The following DBX2 variants were observed in gnomAD, a reference collection of about 807,000 sequenced individuals.
The protein encoded by DBX2 is homeobox protein DBX2.
Under a neutral mutation model 17.7 loss-of-function variants are expected in DBX2, and 16 were observed. The observed-to-expected ratio is 0.90, with a 90% CI of 0.61 to 1.37. The LOEUF (loss-of-function observed/expected upper bound fraction) is 1.37. DBX2 is among the 40% of genes most tolerant of loss of function. The probability of loss-of-function intolerance (pLI) is 0.00; values close to 1 mark genes in which losing one functional copy is unlikely to be tolerated. For missense variants in DBX2, 538 were observed against 433.8 expected, an observed-to-expected ratio of 1.24 and a Z score of -2.13; for synonymous variants, 255 against 183.8, an observed-to-expected ratio of 1.39 and a Z score of -3.13.
intron 3 of DBX2, among the ~76,000 whole-genome samples, chr12:45,018,719 T>C (rs1490897879): frequency 6.6e-6 from 1 of 151,924 alleles, no homozygotes; most frequent in Non-Finnish European, 1.5e-5. Context: ...TTATTCACAA[T>C]AGCCAAAAAT....
At position 45,015,656 on chromosome 12, in the gene DBX2, C is replaced by A. The variant is rs1312010576; in HGVS notation, c.*630G>T. On this transcript the variant is annotated 3_prime_UTR_variant, in exon 4 of 4. Coordinates refer to ENST00000332700, the MANE Select transcript of DBX2 (RefSeq NM_001004329.3). ...ATACTAATAGTTATATACAGAAATTCTTCTAATTTGCTTGTTAGGTTCATT... is the reference window on the plus strand; with the variant it reads ...ATACTAATAGTTATATACAGAAATTATTCTAATTTGCTTGTTAGGTTCATT... 1 of 152,138 alleles carries A rather than the reference C, an allele frequency of 6.6e-6. No individual in the cohort carries two copies. Among genetic ancestry groups the A allele is most frequent in the Non-Finnish European group, 1.5e-5 (1 of 68,038 alleles). 9.4% of individuals were successfully genotyped at this position (152,138 alleles called of 1,614,324 possible). A position where few individuals can be genotyped will look rare whatever the true frequency, so the allele number is the denominator to read the frequency against.
intron 1 of DBX2, among the ~76,000 whole-genome samples, chr12:45,038,295 G>C (rs1396164859): frequency 6.8e-6 from 1 of 148,050 alleles, no homozygotes; most frequent in Non-Finnish European, 1.5e-5. Context: ...TTGGACTTTT[G>C]TTGTTATTGT....
intron 2 of DBX2, among the ~76,000 whole-genome samples, chr12:45,030,340 A>G (rs1353980593): frequency 6.6e-6 from 1 of 152,204 alleles, no homozygotes; most frequent in Non-Finnish European, 1.5e-5. Flanking sequence ...TGCAATTCAA[A>G]AGCATCTGAT....
chr12:45,034,475 C>A (rs1364897267), intron 2 of DBX2, among the ~76,000 whole-genome samples: 1 of 152,064 alleles, frequency 6.6e-6, no homozygotes, highest in South Asian at 2.1e-4. Context: ...CTTGAAGGAG[C>A]GAGTAAAAGG....
chr12:45,025,589 A>G (rs531541254), intron 2 of DBX2, among the ~76,000 whole-genome samples: 3 of 151,432 alleles, frequency 2.0e-5, no homozygotes, highest in African/African-American at 4.9e-5. Context: ...TCCCACCCTA[A>G]AGGAGCTCAC....
At chr12:45,039,995 A>G (rs1043113768) in intron 1 of DBX2, among the ~76,000 whole-genome samples, 1 of 152,098 alleles carries the variant, frequency 6.6e-6, no homozygotes, top group Non-Finnish European at 1.5e-5. Flanking sequence ...ATATCCTACT[A>G]TGATGGTTAA....
At chr12:45,048,619 A>G (rs1489913013) in intron 1 of DBX2, among the ~76,000 whole-genome samples, 2 of 152,228 alleles carry the variant, frequency 1.3e-5, no homozygotes, top group Admixed American at 1.3e-4. Flanking sequence ...TCTTTATCCA[A>G]TTATAAAAAT....
intron 3 of DBX2, among the ~76,000 whole-genome samples, chr12:45,023,306 G>T (rs1946363212): frequency 6.6e-6 from 1 of 152,184 alleles, no homozygotes; most frequent in East Asian, 1.9e-4. Flanking sequence ...AAGAAAGATA[G>T]TAAAAGTGGT....
At chr12:45,026,251 A>G (rs1312730177) in intron 2 of DBX2, among the ~76,000 whole-genome samples, 2 of 152,138 alleles carry the variant, frequency 1.3e-5, no homozygotes, top group African/African-American at 4.8e-5. Flanking sequence ...TGGACCTCTA[A>G]AGTGGAATGG....
At chr12:45,050,083 G>A (rs564896103) in intron 1 of DBX2, among the ~76,000 whole-genome samples, 1 of 152,252 alleles carries the variant, frequency 6.6e-6, no homozygotes, top group Non-Finnish European at 1.5e-5. Context: ...ATCTCCCCAA[G>A]TTGGGCCGCG....
intron 2 of DBX2, 55 bp downstream of exon 2, chr12:45,035,964 G>A: frequency 6.6e-7 from 1 of 1,517,966 alleles, no homozygotes; most frequent in Non-Finnish European, 9.0e-7. Flanking sequence ...ATTAAATCCT[G>A]CAGCTTTGGT....
chr12:45,037,436 A>ACT (rs1946446893), intron 1 of DBX2, among the ~76,000 whole-genome samples: 1 of 152,304 alleles, frequency 6.6e-6, no homozygotes, highest in Admixed American at 6.5e-5. Context: ...GGTCTTAGGG[A>ACT]AAGAATGAGG....
Position 45,050,990 on chromosome 12 carries a change from G to A in DBX2, c.-63C>T, listed in dbSNP as rs1592762698. On this transcript the variant is annotated 5_prime_UTR_variant, in exon 1 of 4. Transcript: ENST00000332700. ...CGCCCGCCTGTCGCCCGGGCGCCCC[G>A]CACCGCACCCAGAGCCGCAGCTTCT... 4.5e-6 allele frequency: 6 copies of A among 1,336,896 alleles called. No homozygotes were observed. The highest frequency in any genetic ancestry group is 3.2e-5 in the East Asian group (1 of 31,570). 82.8% of individuals were successfully genotyped at this position (1,336,896 alleles called of 1,614,324 possible).
At position 45,050,597 on chromosome 12, in the gene DBX2, A is replaced by T. The variant is rs759657156; in HGVS notation, c.331T>A (p.Ser111Thr). Reference protein sequence around the residue: ...TRWAFQVLSPSADSARLPGRA... With the variant: ...TRWAFQVLSPTADSARLPGRA... Reference sequence around the variant, plus strand: ...CCCGGCAGCCTCGCACTGTCCGCAGAGGGACTGAGCACTTGAAAAGCCCAC... The same window carrying T: ...CCCGGCAGCCTCGCACTGTCCGCAGTGGGACTGAGCACTTGAAAAGCCCAC... The change falls in exon 1 of 4, where the codon TCT (serine) becomes ACT (threonine). Residue 111 changes from serine to threonine, a missense_variant. Transcript: ENST00000332700. 2.6e-6 allele frequency: 4 copies of T among 1,551,528 alleles called. No homozygotes were observed. In the South Asian group the frequency reaches 3.6e-5, roughly 14 times the overall value.
chr12:45,041,605 AT>A lies in DBX2; in HGVS notation c.404-5492del, dbSNP rs375106411. Among the ~76,000 whole-genome samples, 105 of 152,276 alleles carry A rather than the reference AT, an allele frequency of 6.9e-4. 2 individuals are homozygous for A. The South Asian group carries it at 0.021, about 31-fold the overall frequency. ...TTATCAGAAAACAAGAGAAGCCCGCATTTTTTGCCTCAAAAGTGTTTTAAAG... is the reference window on the plus strand; with the variant it reads ...TTATCAGAAAACAAGAGAAGCCCGCATTTTTGCCTCAAAAGTGTTTTAAAG... On this transcript the variant is annotated intron_variant, in intron 1 of 3. Coordinates refer to ENST00000332700, the MANE Select transcript of DBX2 (RefSeq NM_001004329.3).
chr12:45,033,674 A>G (rs1946421200), intron 2 of DBX2, among the ~76,000 whole-genome samples: 3 of 152,222 alleles, frequency 2.0e-5, no homozygotes, highest in Non-Finnish European at 2.9e-5. Context: ...AACTAATAAT[A>G]TGAGAAACTA....
intron 2 of DBX2, among the ~76,000 whole-genome samples, chr12:45,030,210 G>A (rs1946402341): frequency 6.6e-6 from 1 of 151,536 alleles, no homozygotes; most frequent in African/African-American, 2.4e-5. Context: ...TGAAGACAGG[G>A]CAATGGTGTT....
intron 2 of DBX2, among the ~76,000 whole-genome samples, chr12:45,025,031 G>A (rs1946374100): frequency 6.6e-6 from 1 of 152,174 alleles, no homozygotes; most frequent in Non-Finnish European, 1.5e-5. Context: ...CCCAGGTGTG[G>A]CAGGCAGAGT....
At position 45,027,738 on chromosome 12, in the gene DBX2, C is replaced by T. The variant is rs76318741; in HGVS notation, c.500-3844G>A. On this transcript the variant is annotated intron_variant, in intron 2 of 3. Coordinates refer to ENST00000332700, the MANE Select transcript of DBX2 (RefSeq NM_001004329.3). ...ATTGTAGCATTCTGGACAAATAATTCGTCTCCACTGTCCATGTTTTAAGTT... is the reference window on the plus strand; with the variant it reads ...ATTGTAGCATTCTGGACAAATAATTTGTCTCCACTGTCCATGTTTTAAGTT... Among the ~76,000 whole-genome samples, 970 of 152,268 alleles carry T rather than the reference C, an allele frequency of 6.4e-3. 15 individuals are homozygous for T. Among genetic ancestry groups the T allele is most frequent in the African/African-American group, 0.022 (919 of 41,546 alleles).
Sources: gnomAD v4.1 joint callset for allele counts (sites outside exome capture counted in the v4.1 genomes callset) on GRCh38, gnomAD v4.1.1 for gene constraint, MANE v1.5 for transcripts, NCBI Gene and HGNC (gene_info 2026-07-23, HGNC 2026-07-21) for gene names.